Variants in MARCHF1 observed in about 807,000 individuals in gnomAD.
MARCHF1 encodes the protein membrane associated ring-CH-type finger 1.
Under a neutral mutation model 54.2 loss-of-function variants are expected in MARCHF1, and 40 were observed. The ratio of observed to expected loss-of-function variants is 0.74; its 90% CI spans 0.57 to 0.96. MARCHF1 has a LOEUF of 0.96. MARCHF1 is among the 40% of genes least tolerant of loss of function. MARCHF1 has a pLI of 0.00. For synonymous variants in MARCHF1, 236 were observed against 236.3 expected (o/e 1.00, Z 0.01); for missense variants, 586 against 656.5 (o/e 0.89, Z 1.17).
At chr4:163,687,739 A>G (rs1489230970) in intron 5 of MARCHF1, among the ~76,000 whole-genome samples, 1 of 152,210 alleles carries the variant, frequency 6.6e-6, no homozygotes, top group Admixed American at 6.5e-5. Context: ...ATGCCTTCTT[A>G]TAACTTTCCC....
At chr4:163,665,357 T>G (rs897227521) in intron 5 of MARCHF1, among the ~76,000 whole-genome samples, 2 of 152,142 alleles carry the variant, frequency 1.3e-5, no homozygotes, top group African/African-American at 2.4e-5. Flanking sequence ...TTGCTTTGGG[T>G]GAGAACTTCA....
intron 4 of MARCHF1, among the ~76,000 whole-genome samples, chr4:163,804,749 T>C (rs1748178490): frequency 6.6e-6 from 1 of 152,154 alleles, no homozygotes; most frequent in African/African-American, 2.4e-5. Flanking sequence ...TGCCTACTAG[T>C]GGGTGCATTA....
chr4:164,026,258 C>T (rs1753766596), intron 2 of MARCHF1, among the ~76,000 whole-genome samples: 3 of 151,936 alleles, frequency 2.0e-5, no homozygotes, highest in Non-Finnish European at 4.4e-5. Context: ...AGCTTGATAC[C>T]AAAATCTGGC....
chr4:163,821,185 C>A (rs962565018), intron 4 of MARCHF1, among the ~76,000 whole-genome samples: 2 of 151,934 alleles, frequency 1.3e-5, no homozygotes, highest in African/African-American at 4.8e-5. Flanking sequence ...GCTTCCCTCC[C>A]TCCATTGCTC....
intron 2 of MARCHF1, among the ~76,000 whole-genome samples, chr4:164,018,043 T>C (rs1026297418): frequency 6.6e-6 from 1 of 151,894 alleles, no homozygotes; most frequent in African/African-American, 2.4e-5. Context: ...CCAGGATAAT[T>C]CATCAAAAAT....
At chr4:163,917,953 C>G (rs1194861322) in intron 3 of MARCHF1, among the ~76,000 whole-genome samples, 1 of 152,090 alleles carries the variant, frequency 6.6e-6, no homozygotes, top group Non-Finnish European at 1.5e-5. Context: ...GTGATTTCAT[C>G]ATGAAATCTT....
chr4:163,561,233 G>T (rs1739457072), intron 8 of MARCHF1, among the ~76,000 whole-genome samples: 1 of 151,948 alleles, frequency 6.6e-6, no homozygotes, highest in Admixed American at 6.6e-5. Flanking sequence ...AGAAACTTTT[G>T]TTTGCTTGGA....
Position 164,040,166 on chromosome 4 carries a change from CTA to C in MARCHF1, c.-247-51459_-247-51458del, listed in dbSNP as rs1754094741. 2.1e-5 allele frequency among the ~76,000 whole-genome samples: 3 copies of C among 142,776 alleles called. 1 individual carries two copies. The highest frequency in any genetic ancestry group is 7.6e-5 in the African/African-American group (3 of 39,324). 93.7% of individuals were successfully genotyped at this position (142,776 alleles called of 152,430 possible). A position where few individuals can be genotyped will look rare whatever the true frequency, so the allele number is the denominator to read the frequency against. ...TCCATAATTTTATATAAATATATAACTATATATAAATATACAAATATATATTA... is the reference window on the plus strand; with the variant it reads ...TCCATAATTTTATATAAATATATAACTATATAAATATACAAATATATATTA... On this transcript the variant is annotated intron_variant, in intron 2 of 9. Coordinates refer to ENST00000514618, the MANE Select transcript of MARCHF1 (RefSeq NM_001394959.1).
intron 1 of MARCHF1, among the ~76,000 whole-genome samples, chr4:164,161,426 G>A (rs1730231511): frequency 6.6e-6 from 1 of 152,058 alleles, no homozygotes. Flanking sequence ...AAAGTACCCA[G>A]CCTCAAGTAT....
chr4:164,006,990 G>GAAAAAAAA (rs57195057), intron 2 of MARCHF1, among the ~76,000 whole-genome samples: 1 of 23,190 alleles, frequency 4.3e-5, no homozygotes, highest in African/African-American at 2.3e-4. Context: ...TCTGAAATCT[G>GAAAAAAAA]AAAAAAAAAA....
intron 8 of MARCHF1, among the ~76,000 whole-genome samples, chr4:163,552,925 T>C (rs28738962): frequency 0.01 from 1,566 of 150,256 alleles, 27 homozygotes; most frequent in African/African-American, 0.036. Context: ...CCCAGCTACT[T>C]GGGAGGCTGA....
At position 163,836,214 on chromosome 4, in the gene MARCHF1, AATTTATTTATTTATTTATTTATTT is replaced by A. The variant is rs66939546; in HGVS notation, c.111+17783_111+17806del. Among the ~76,000 whole-genome samples the A allele has an allele frequency of 8.0e-4, 111 of 137,976 alleles. 2 individuals are homozygous for A. In the East Asian group the frequency reaches 0.02, roughly 25 times the overall value. 90.5% of individuals were successfully genotyped at this position (137,976 alleles called of 152,430 possible). A position where few individuals can be genotyped will look rare whatever the true frequency, so the allele number is the denominator to read the frequency against. Reference sequence around the variant, plus strand: ...AGATCCTTACCTACATGGTAGTTGCAATTTATTTATTTATTTATTTATTTATTTATTTATTTATTTATTTATTTA... The same window carrying A: ...AGATCCTTACCTACATGGTAGTTGCAATTTATTTATTTATTTATTTATTTA... On this transcript the variant is annotated intron_variant, in intron 4 of 9. Transcript: ENST00000514618.
At chr4:163,698,225 G>GA (rs1561025515) in intron 5 of MARCHF1, among the ~76,000 whole-genome samples, 3 of 152,082 alleles carry the variant, frequency 2.0e-5, no homozygotes, top group East Asian at 3.9e-4. Context: ...CAAAATTAAG[G>GA]AAAAAATCTT....
At chr4:163,796,221 GTT>G (rs36039503) in intron 4 of MARCHF1, among the ~76,000 whole-genome samples, 203 of 82,228 alleles carry the variant, frequency 2.5e-3, no homozygotes, top group East Asian at 0.017. Context: ...GAAACTTCTA[GTT>G]TTTTTTTTTT....
At chr4:164,240,639 A>G (rs1579650057) in intron 1 of MARCHF1, among the ~76,000 whole-genome samples, 1 of 152,082 alleles carries the variant, frequency 6.6e-6, no homozygotes, top group Non-Finnish European at 1.5e-5. Context: ...CAAAAATTGT[A>G]ACAGTGAGAG....
At chr4:163,847,811 C>T (rs896950146) in intron 4 of MARCHF1, among the ~76,000 whole-genome samples, 12 of 151,940 alleles carry the variant, frequency 7.9e-5, no homozygotes, top group South Asian at 6.2e-4. Flanking sequence ...GAACTCCAGG[C>T]GTCAAGCGAT....
intron 1 of MARCHF1, among the ~76,000 whole-genome samples, chr4:164,274,724 T>C (rs1346145439): frequency 1.5e-5 from 2 of 130,554 alleles, no homozygotes; most frequent in Non-Finnish European, 3.1e-5. Flanking sequence ...TCTCCCAGGC[T>C]GGAGTGCAGC....
At chr4:163,740,267 A>G (rs552716087) in intron 4 of MARCHF1, among the ~76,000 whole-genome samples, 2 of 152,152 alleles carry the variant, frequency 1.3e-5, no homozygotes, top group African/African-American at 4.8e-5. Context: ...TCACCATTAT[A>G]TGTTTTAGTC....
chr4:163,932,715 C>T, intron 3 of MARCHF1: 4 of 532,914 alleles, frequency 7.5e-6, no homozygotes, highest in Non-Finnish European at 1.5e-5. Context: ...AAACATCGAG[C>T]AGAAGACAGA....
Sources: gnomAD v4.1 joint callset for allele counts (sites outside exome capture counted in the v4.1 genomes callset) on GRCh38, gnomAD v4.1.1 for gene constraint, MANE v1.5 for transcripts, NCBI Gene and HGNC (gene_info 2026-07-23, HGNC 2026-07-21) for gene names.